SFI1: variants seen among roughly 807,000 people sequenced by gnomAD.
SFI1 encodes protein SFI1 homolog.
A neutral mutation model predicts 207.5 loss-of-function variants in SFI1; 195 were observed. The ratio of observed to expected loss-of-function variants is 0.94; its 90% CI spans 0.84 to 1.06. The LOEUF (loss-of-function observed/expected upper bound fraction) is 1.06, where lower values mean the gene tolerates loss of function less well. Among genes scored for constraint, SFI1 ranks in the 50% least tolerant of loss-of-function variants. The pLI is 0.00. For synonymous variants in SFI1, 630 were observed against 598.9 expected, an observed-to-expected ratio of 1.05 and a Z score of -0.76; for missense variants, 1,634 against 1,588.0, an observed-to-expected ratio of 1.03 and a Z score of -0.49.
intron 27 of SFI1, 168 bp downstream of exon 27, chr22:31,614,023 C>A: frequency 1.2e-6 from 1 of 869,410 alleles, no homozygotes; most frequent in Non-Finnish European, 1.7e-6. Flanking sequence ...ATCCCTCCCA[C>A]GGCAAGAGGG....
intron 24 of SFI1, 96 bp from the exon 25 acceptor site, chr22:31,613,046 G>C: frequency 3.0e-6 from 4 of 1,354,488 alleles, no homozygotes; most frequent in Non-Finnish European, 4.0e-6. Context: ...CTCGACTAGA[G>C]AGGGAGCCAA....
At chr22:31,524,757 A>G (rs1400104808) in intron 2 of SFI1, among the ~76,000 whole-genome samples, 1 of 148,682 alleles carries the variant, frequency 6.7e-6, no homozygotes, top group Non-Finnish European at 1.5e-5. Flanking sequence ...CTGCATATTA[A>G]TCCTCTGTCA....
At chr22:31,516,234 C>A (rs138461908) in intron 2 of SFI1, among the ~76,000 whole-genome samples, 2 of 151,924 alleles carry the variant, frequency 1.3e-5, no homozygotes, top group Non-Finnish European at 2.9e-5. Context: ...AATTTTAAGC[C>A]GGGTGCCGTG....
chr22:31,543,750 C>G lies in SFI1; in HGVS notation c.339-3111C>G, dbSNP rs2059813223. Among the ~76,000 whole-genome samples the G allele has an allele frequency of 2.0e-5, 3 of 148,702 alleles. No individual in the cohort carries two copies. In the South Asian group the frequency reaches 6.3e-4, roughly 31 times the overall value. On this transcript the variant is annotated intron_variant, in intron 4 of 32. Transcript: ENST00000400288. ...CTTTGAACCTAGGAGGCGGAGCTTG[C>G]AGTGAGCCAAGATCGCGCCACTGCA...
intron 7 of SFI1, chr22:31,559,408 G>A (rs1328063467): frequency 2.8e-6 from 1 of 351,454 alleles, no homozygotes; most frequent in African/African-American, 2.1e-5. Flanking sequence ...GGGCAACAGA[G>A]TGAGACTCTG....
At position 31,611,207 on chromosome 22, in the gene SFI1, G is replaced by C; in HGVS notation, c.2319G>C (p.Leu773=). The C allele has an allele frequency of 1.2e-6, 2 of 1,614,092 alleles. No homozygotes were observed. Among genetic ancestry groups the C allele is most frequent in the South Asian group, 2.2e-5 (2 of 91,080 alleles). ...GCCGGAGGTCAGCCCAGCAGAGACTGCAGCTGGAGAGGGCAGTGCAACACC... is the reference window on the plus strand; with the variant it reads ...GCCGGAGGTCAGCCCAGCAGAGACTCCAGCTGGAGAGGGCAGTGCAACACC... ...DCSRRSAQQR[L]QLERAVQHHH... is the part of the protein sequence containing the mutation. Residue 773 remains leucine (L), a synonymous_variant, in exon 23 of 33, where the codon CTG becomes CTC. Transcript: ENST00000400288.
chr22:31,526,866 A>G (rs1001235284), intron 2 of SFI1, among the ~76,000 whole-genome samples: 1 of 151,510 alleles, frequency 6.6e-6, no homozygotes, highest in African/African-American at 2.4e-5. Context: ...CCTGGCCATC[A>G]ATACCTACGT....
At position 31,589,562 on chromosome 22, in the gene SFI1, C is replaced by T; in HGVS notation, c.1529C>T (p.Ala510Val). ...CAGGAAAATGTCCTCAGTGCAAGAG[C>T]AACACGTTTCCACAGGTATGTTGCG... ...RHQENVLSAR[A>V]TRFHRETLEK... The change falls in exon 15 of 33, where the codon GCA (alanine) becomes GTA (valine). Residue 510 changes from alanine (A) to valine (V), a missense_variant. Coordinates refer to ENST00000400288, the MANE Select transcript of SFI1 (RefSeq NM_001007467.3). 6.2e-7 allele frequency: 1 copy of T among 1,613,002 alleles called. No individual in the cohort carries two copies. The highest frequency in any genetic ancestry group is 8.5e-7 in the Non-Finnish European group (1 of 1,179,770).
At chr22:31,587,395 C>A in intron 14 of SFI1, 1 of 288,940 alleles carries the variant, frequency 3.5e-6, no homozygotes, top group Non-Finnish European at 7.8e-6. Flanking sequence ...TCACTCTCCC[C>A]AGGCTCAAGC....
At position 31,603,765 on chromosome 22, in the gene SFI1, A is replaced by G. The variant is rs2068508383; in HGVS notation, c.1827A>G (p.Ala609=). 1.3e-6 allele frequency: 2 copies of G among 1,545,598 alleles called. No homozygotes were observed. Among genetic ancestry groups the G allele is most frequent in the South Asian group, 2.5e-5 (2 of 79,094 alleles). The part of the protein sequence containing the change: ...LRTERTGRVR[A]AEFHMAQLLR... ...ACAGGAGGACGGGCAGGGTGCGGGC[A>G]GCAGAATTCCACATGGCCCAGCTCC... Residue 609 remains alanine (A), a synonymous_variant, in exon 18 of 33, where the codon GCA becomes GCG. Transcript: ENST00000400288.
chr22:31,598,439 T>C (rs2067492874), intron 15 of SFI1, among the ~76,000 whole-genome samples: 1 of 151,634 alleles, frequency 6.6e-6, no homozygotes, highest in East Asian at 2.0e-4. Flanking sequence ...AGGTTAGTTT[T>C]GCATGGTTTT....
chr22:31,594,411 G>T (rs2066735252), intron 15 of SFI1, among the ~76,000 whole-genome samples: 1 of 151,718 alleles, frequency 6.6e-6, no homozygotes, highest in Non-Finnish European at 1.5e-5. Flanking sequence ...AGCCCGGTCT[G>T]GTGGCACATG....
chr22:31,575,787 T>C (rs541619695), intron 10 of SFI1, among the ~76,000 whole-genome samples: 1 of 152,328 alleles, frequency 6.6e-6, no homozygotes, highest in East Asian at 1.9e-4. Flanking sequence ...GCCACCACTA[T>C]CTTTTTCTTG....
In SFI1 at chr22:31,508,289, A is replaced by G. The variant is rs745674380; in HGVS notation, c.5A>G (p.Lys2Arg). 3.1e-6 allele frequency: 5 copies of G among 1,608,076 alleles called. No homozygotes were observed. The highest frequency in any genetic ancestry group is 3.4e-6 in the Non-Finnish European group (4 of 1,174,842). M[K>R]NLLTEKCISS... ...GAAGATAAAAGACTTTGATTCATGA[A>G]GAATCTGCTCACTGAGAAGTGTATA... The change falls in exon 2 of 33, where the codon AAG (lysine) becomes AGG (arginine). Residue 2 changes from lysine (K) to arginine (R), a missense_variant. Physicochemically the swap from Lys to Arg is conservative, Grantham distance 26 (BLOSUM62 2). Coordinates refer to ENST00000400288, the MANE Select transcript of SFI1 (RefSeq NM_001007467.3).
At position 31,530,023 on chromosome 22, in the gene SFI1, A is replaced by C. The variant is rs191173368; in HGVS notation, c.267-1035A>C. ...GTCTCTACTAAAAATACAAAAAATT[A>C]ACTGGGCGTGGTGGCAGGTGCCTGT... On this transcript the variant is annotated intron_variant, in intron 3 of 32. Transcript: ENST00000400288. 9.9e-3 allele frequency among the ~76,000 whole-genome samples: 1,479 copies of C among 149,898 alleles called. 7 individuals carry two copies. Among genetic ancestry groups the C allele is most frequent in the Middle Eastern group, 0.031 (9 of 292 alleles).
At chr22:31,550,207 G>C (rs775247726) in intron 5 of SFI1, 47 bp from the exon 6 acceptor site, 2 of 1,522,558 alleles carry the variant, frequency 1.3e-6, no homozygotes. Context: ...CACCGCGCCC[G>C]GCCTGTTATT....
chr22:31,538,503 T>C (rs913476001), intron 4 of SFI1: 1 of 154,104 alleles, frequency 6.5e-6, no homozygotes, highest in African/African-American at 2.4e-5. Flanking sequence ...ATATATGGCT[T>C]GGGTAGCACC....
chr22:31,526,580 G>A (rs2057938017), intron 2 of SFI1, among the ~76,000 whole-genome samples: 1 of 152,122 alleles, frequency 6.6e-6, no homozygotes, highest in Non-Finnish European at 1.5e-5. Context: ...TGTTGTTGTT[G>A]TTGAGACAAG....
chr22:31,604,976 G>T (rs745705063), intron 20 of SFI1, 31 bp downstream of exon 20: 12 of 1,559,556 alleles, frequency 7.7e-6, no homozygotes, highest in Non-Finnish European at 9.6e-6. Context: ...CCAAGCTCCA[G>T]CTGGGGAACA....
Sources: gnomAD v4.1 joint callset for allele counts (sites outside exome capture counted in the v4.1 genomes callset) on GRCh38, gnomAD v4.1.1 for gene constraint, MANE v1.5 for transcripts, NCBI Gene and HGNC (gene_info 2026-07-23, HGNC 2026-07-21) for gene names.